Variants in TRIM69 observed in about 807,000 individuals in gnomAD.
TRIM69 encodes E3 ubiquitin-protein ligase TRIM69.
In TRIM69, 29 loss-of-function variants were observed where a neutral mutation model predicts 37.7. The ratio of observed to expected loss-of-function variants is 0.77; its 90% CI spans 0.57 to 1.05. The LOEUF is 1.05. Ranked by LOEUF, TRIM69 falls within the 50% of genes least tolerant of loss-of-function variation. The probability of loss-of-function intolerance (pLI) is 0.00; values close to 1 mark genes in which losing one functional copy is unlikely to be tolerated. For missense variants in TRIM69, 596 were observed against 579.9 expected (o/e 1.03, Z -0.28); for synonymous variants, 209 against 212.4 (o/e 0.98, Z 0.14).
In TRIM69 at chr15:44,743,337, A is replaced by G. The variant is rs746345961; in HGVS notation, c.6+6627A>G. 4.1e-4 allele frequency among the ~76,000 whole-genome samples: 63 copies of G among 152,142 alleles called. 1 individual carries two copies. Among genetic ancestry groups the G allele is most frequent in the Admixed American group, 9.8e-4 (15 of 15,270 alleles). ...TTCAAGACTGATTAAAGACTTAAACATTAGACCTAAAACCATAAAAACCCT... is the reference window on the plus strand; with the variant it reads ...TTCAAGACTGATTAAAGACTTAAACGTTAGACCTAAAACCATAAAAACCCT... On this transcript the variant is annotated intron_variant, in intron 1 of 6. Transcript: ENST00000329464.
At chr15:44,766,796 C>T (rs2087896024) in intron 6 of TRIM69, among the ~76,000 whole-genome samples, 1 of 151,826 alleles carries the variant, frequency 6.6e-6, no homozygotes, top group South Asian at 2.1e-4. Flanking sequence ...GTGGCTCATG[C>T]CTGTAATCTC....
chr15:44,761,437 T>A (rs1257316828), intron 6 of TRIM69, among the ~76,000 whole-genome samples: 1 of 152,148 alleles, frequency 6.6e-6, no homozygotes, highest in Non-Finnish European at 1.5e-5. Flanking sequence ...TATAGTAGTA[T>A]CTTATTGTGG....
chr15:44,752,428 A>G (rs575137752), intron 1 of TRIM69, among the ~76,000 whole-genome samples: 7 of 152,150 alleles, frequency 4.6e-5, no homozygotes, highest in African/African-American at 1.7e-4. Flanking sequence ...ATTTTACTTG[A>G]TATTAGTAGA....
At chr15:44,760,189 C>T (rs1793241939) in intron 6 of TRIM69, among the ~76,000 whole-genome samples, 1 of 152,182 alleles carries the variant, frequency 6.6e-6, no homozygotes, top group Non-Finnish European at 1.5e-5. Flanking sequence ...ATCCCAGGGG[C>T]TTCTCTGAAG....
intron 6 of TRIM69, among the ~76,000 whole-genome samples, chr15:44,763,090 C>T (rs998574352): frequency 5.3e-5 from 8 of 152,114 alleles, no homozygotes; most frequent in Middle Eastern, 3.4e-3. Context: ...TCCATAGTTC[C>T]TTTAGATTTT....
chr15:44,753,018 T>C (rs1163169511), intron 1 of TRIM69: 1 of 152,200 alleles, frequency 6.6e-6, no homozygotes, highest in African/African-American at 2.4e-5. Context: ...GTCTTTTATA[T>C]TGAATAGGGG....
intron 6 of TRIM69, among the ~76,000 whole-genome samples, chr15:44,762,132 A>AT (rs956882681): frequency 4.6e-5 from 7 of 151,650 alleles, no homozygotes; most frequent in African/African-American, 1.7e-4. Context: ...CGCCCGGCTA[A>AT]TTTTTTTGCA....
intron 1 of TRIM69, among the ~76,000 whole-genome samples, chr15:44,743,569 AC>A (rs2087339062): frequency 6.6e-6 from 1 of 152,220 alleles, no homozygotes; most frequent in Admixed American, 6.5e-5. Context: ...TACTCATCTG[AC>A]AAAGGGCTAA....
At chr15:44,766,691 G>A (rs1490037640) in intron 6 of TRIM69, among the ~76,000 whole-genome samples, 3 of 151,906 alleles carry the variant, frequency 2.0e-5, no homozygotes, top group African/African-American at 7.3e-5. Context: ...AATTACTTCT[G>A]AGTAAACCCT....
Position 44,759,623 on chromosome 15 carries a change from T to G in TRIM69, c.814-17T>G. 1 of 1,613,204 alleles carries G rather than the reference T, an allele frequency of 6.2e-7. No individual in the cohort carries two copies. Among genetic ancestry groups the G allele is most frequent in the Non-Finnish European group, 8.5e-7 (1 of 1,179,670 alleles). On this transcript the variant is annotated splice_polypyrimidine_tract_variant and intron_variant, in intron 4 of 6. Transcript: ENST00000329464. ...GATGAACGGGCATCTGATGTCTCTC[T>G]TTCTCCTTTCTTCTAGGACATCACA...
At chr15:44,748,825 CAAAAAAAA>C (rs375092348) in intron 1 of TRIM69, among the ~76,000 whole-genome samples, 1,159 of 114,262 alleles carry the variant, frequency 0.01, 17 homozygotes, top group African/African-American at 0.026. Flanking sequence ...GACTTTGTCT[CAAAAAAAA>C]AAAAAAAAAA....
At chr15:44,738,434 T>G (rs1315312130) in intron 1 of TRIM69, among the ~76,000 whole-genome samples, 2 of 152,152 alleles carry the variant, frequency 1.3e-5, no homozygotes, top group African/African-American at 4.8e-5. Flanking sequence ...GAATATCAAT[T>G]CCTGACTCGA....
chr15:44,761,657 G>T (rs1325791690), intron 6 of TRIM69, among the ~76,000 whole-genome samples: 2 of 152,120 alleles, frequency 1.3e-5, no homozygotes, highest in Non-Finnish European at 2.9e-5. Context: ...TAGAGATGAG[G>T]TTTTGCCATG....
chr15:44,759,792 C>T lies in TRIM69; in HGVS notation c.881C>T (p.Ser294Phe). ...MKVLATRELISRKLNLGQYKG... is the reference protein window; with the variant it reads ...MKVLATRELIFRKLNLGQYKG... ...GTGCTGGCAACCAGAGAGCTTATTT[C>T]CAGAAAGCTGAACCTGGGCCAGTAC... The change falls in exon 6 of 7, where the codon TCC becomes TTC. Residue 294 changes from serine to phenylalanine, a missense_variant. By Grantham distance (155) the Ser-to-Phe change is radical. Coordinates refer to ENST00000329464, the MANE Select transcript of TRIM69 (RefSeq NM_182985.5). 1 of 1,614,130 alleles carries T rather than the reference C, an allele frequency of 6.2e-7. No individual in the cohort carries two copies. Among genetic ancestry groups the T allele is most frequent in the Non-Finnish European group, 8.5e-7 (1 of 1,180,024 alleles).
intron 1 of TRIM69, among the ~76,000 whole-genome samples, chr15:44,745,396 C>T (rs960105051): frequency 2.6e-4 from 39 of 151,988 alleles, no homozygotes; most frequent in Non-Finnish European, 3.4e-4. Flanking sequence ...AACAAAACAA[C>T]TACAACAAGA....
Position 44,767,587 on chromosome 15 carries a change from C to T in TRIM69, c.1318C>T (p.Leu440Phe), listed in dbSNP as rs1158517170. Residue 440 changes from leucine (L) to phenylalanine (F), a missense_variant, in exon 7 of 7, where the codon CTC (leucine) becomes TTC (phenylalanine). Leu to Phe is a conservative substitution (Grantham distance 22, BLOSUM62 0). Coordinates refer to ENST00000329464, the MANE Select transcript of TRIM69 (RefSeq NM_182985.5). The stretch of plus-strand genomic sequence containing the variant: ...TTTCAGTCTGACACTGACTAACAAC[C>T]TCGACAAGGTGGGCATATACCTGGA... ...PSFSLTLTNN[L>F]DKVGIYLDYE... 6.2e-7 allele frequency: 1 copy of T among 1,614,194 alleles called. No homozygotes were observed. Among genetic ancestry groups the T allele is most frequent in the Admixed American group, 1.7e-5 (1 of 60,034 alleles).
Position 44,754,899 on chromosome 15 carries a change from G to A in TRIM69, c.7-1G>A, listed in dbSNP as rs2087609965. 1 of 1,602,928 alleles carries A rather than the reference G, an allele frequency of 6.2e-7. No individual in the cohort carries two copies. The highest frequency in any genetic ancestry group is 8.5e-7 in the Non-Finnish European group (1 of 1,171,576). ...CTCATTTTAGCTGTTCTTTTCTAAAGGTATCCACCAACCCCTCCTCCAACA... is the reference window on the plus strand; with the variant it reads ...CTCATTTTAGCTGTTCTTTTCTAAAAGTATCCACCAACCCCTCCTCCAACA... On this transcript the variant is annotated splice_acceptor_variant, in intron 1 of 6. Transcript: ENST00000329464. LOFTEE classifies it high-confidence loss of function.
At position 44,736,561 on chromosome 15, in the gene TRIM69, C is replaced by T; in HGVS notation, c.-144C>T. On this transcript the variant is annotated 5_prime_UTR_variant, in exon 1 of 7. Coordinates refer to ENST00000329464, the MANE Select transcript of TRIM69 (RefSeq NM_182985.5). ...CTCTGGCCTTGCTGCTTCTCTCCAG[C>T]TCCTGAACTTTTCTTTCTTCCATCA... is the stretch of plus-strand genomic sequence containing the variant. The T allele has an allele frequency of 1.2e-6, 1 of 866,164 alleles. No homozygotes were observed. The highest frequency in any genetic ancestry group is 1.7e-6 in the Non-Finnish European group (1 of 584,104). 53.7% of individuals were successfully genotyped at this position (866,164 alleles called of 1,614,324 possible).
intron 4 of TRIM69, 60 bp downstream of exon 4, chr15:44,758,914 T>C (rs1434251703): frequency 1.3e-6 from 2 of 1,548,022 alleles, no homozygotes; most frequent in Admixed American, 2.0e-5. Flanking sequence ...GGAAGAGGTT[T>C]GGAAAGAATG....
Sources: gnomAD v4.1 joint callset for allele counts (sites outside exome capture counted in the v4.1 genomes callset) on GRCh38, gnomAD v4.1.1 for gene constraint, MANE v1.5 for transcripts, NCBI Gene and HGNC (gene_info 2026-07-23, HGNC 2026-07-21) for gene names.